SV2C: variants seen among roughly 807,000 people sequenced by gnomAD.
The protein encoded by SV2C is solute carrier family 22 member B3.
SV2C carries 49 observed loss-of-function variants against 79.7 expected under a neutral mutation model. That is an observed-to-expected ratio of 0.61 (90% CI 0.49 to 0.78). The LOEUF is 0.78. Ranked by LOEUF, SV2C falls within the 30% of genes least tolerant of loss-of-function variation. SV2C has a pLI of 0.00. For missense variants in SV2C, 833 were observed against 912.9 expected, an observed-to-expected ratio of 0.91 and a Z score of 1.13; for synonymous variants, 334 against 333.2, an observed-to-expected ratio of 1.00 and a Z score of -0.03.
chr5:76,082,530 T>TCTCTC (rs1429620773), upstream of SV2C: 2 of 151,126 alleles, frequency 1.3e-5, no homozygotes, highest in Admixed American at 6.6e-5. Context: ...CTCTCTCTCT[T>TCTCTC]CTCTCCTCTC....
At chr5:76,167,790 C>T (rs1561245649) in intron 2 of SV2C, among the ~76,000 whole-genome samples, 1 of 152,102 alleles carries the variant, frequency 6.6e-6, no homozygotes, top group Non-Finnish European at 1.5e-5. Context: ...CCCAGGAACC[C>T]GAATCCAAAT....
the SV2C span, among the ~76,000 whole-genome samples, chr5:76,004,032 T>C: frequency 6.6e-6 from 1 of 151,488 alleles, no homozygotes; most frequent in Non-Finnish European, 1.5e-5. Flanking sequence ...CTCTGATGAA[T>C]GGAGCACAGG....
At chr5:76,180,616 A>G (rs4704284) in intron 2 of SV2C, among the ~76,000 whole-genome samples, 105,199 of 152,144 alleles carry the variant, frequency 0.69, 37,507 homozygotes, top group East Asian at 0.97. Context: ...ACTTAGCTAC[A>G]TCCCTGGCCT....
intron 1 of SV2C, among the ~76,000 whole-genome samples, chr5:76,122,390 A>G (rs1748540885): frequency 6.6e-6 from 1 of 151,726 alleles, no homozygotes; most frequent in South Asian, 2.1e-4. Flanking sequence ...TGCCCTGGCC[A>G]GAACTTCCAA....
At chr5:76,299,285 C>A (rs185649457) in intron 10 of SV2C, among the ~76,000 whole-genome samples, 156 of 152,248 alleles carry the variant, frequency 1.0e-3, no homozygotes, top group Non-Finnish European at 1.8e-3. Flanking sequence ...CAGAGATAGA[C>A]AACATGTGGC....
At chr5:76,265,264 G>T (rs563499288) in intron 4 of SV2C, among the ~76,000 whole-genome samples, 1 of 152,150 alleles carries the variant, frequency 6.6e-6, no homozygotes, top group African/African-American at 2.4e-5. Flanking sequence ...GGGAAAAACC[G>T]CCTACTCAAG....
intron 4 of SV2C, chr5:76,280,922 G>A (rs1747168837): frequency 1.9e-6 from 1 of 525,256 alleles, no homozygotes; most frequent in Non-Finnish European, 3.8e-6. Context: ...TCCTGGTGCT[G>A]AGAGCGCGAC....
In SV2C at chr5:76,229,506, G is replaced by C. The variant is rs139594307; in HGVS notation, c.913+19619G>C. ...GGGTTAGTTACTAGGAGCCATGTCA[G>C]CTGACCCTCACTCCTTTAAGACTTT... On this transcript the variant is annotated intron_variant, in intron 4 of 12. Coordinates refer to ENST00000502798, the MANE Select transcript of SV2C (RefSeq NM_014979.4). Among the ~76,000 whole-genome samples, 300 of 152,330 alleles carry C rather than the reference G, an allele frequency of 2.0e-3. 1 individual carries two copies. The highest frequency in any genetic ancestry group is 6.8e-3 in the African/African-American group (282 of 41,578).
chr5:76,029,200 T>C, the SV2C span, among the ~76,000 whole-genome samples: 1 of 152,260 alleles, frequency 6.6e-6, no homozygotes, highest in South Asian at 2.1e-4. Flanking sequence ...AACTAACATA[T>C]GCACTACCTC....
intron 4 of SV2C, among the ~76,000 whole-genome samples, chr5:76,258,199 G>C (rs1277026925): frequency 6.6e-6 from 1 of 151,798 alleles, no homozygotes; most frequent in Non-Finnish European, 1.5e-5. Context: ...GACCACAAAG[G>C]TCAGAGCTTC....
intron 2 of SV2C, among the ~76,000 whole-genome samples, chr5:76,135,898 C>T (rs1483659809): frequency 6.6e-6 from 1 of 152,154 alleles, no homozygotes; most frequent in Non-Finnish European, 1.5e-5. Flanking sequence ...AGCCCTACCC[C>T]GACTCTAGTC....
At chr5:76,130,069 A>G (rs546576195) in intron 1 of SV2C, among the ~76,000 whole-genome samples, 1 of 136,706 alleles carries the variant, frequency 7.3e-6, no homozygotes, top group Admixed American at 8.1e-5. Flanking sequence ...CCTTCTCACC[A>G]CCTTTCCATT....
chr5:75,969,007 T>G, the SV2C span, among the ~76,000 whole-genome samples: 2 of 151,996 alleles, frequency 1.3e-5, no homozygotes, highest in African/African-American at 4.8e-5. Flanking sequence ...CAGAAGAGAG[T>G]GGGGGCCAAT....
chr5:75,882,327 A>G, the SV2C span, among the ~76,000 whole-genome samples: 1 of 150,312 alleles, frequency 6.7e-6, no homozygotes, highest in African/African-American at 2.5e-5. Context: ...CATACTGCCC[A>G]AGGTAATTTA....
chr5:75,915,142 A>G, the SV2C span, among the ~76,000 whole-genome samples: 1 of 152,172 alleles, frequency 6.6e-6, no homozygotes, highest in South Asian at 2.1e-4. Context: ...TCACAATTCA[A>G]AATAAGATTT....
chr5:76,199,064 T>C (rs1744353880), intron 3 of SV2C, among the ~76,000 whole-genome samples: 1 of 152,234 alleles, frequency 6.6e-6, no homozygotes, highest in South Asian at 2.1e-4. Flanking sequence ...CCTCTTGTTT[T>C]CAAAGGCATA....
At chr5:76,076,061 G>A in the SV2C span, 1 of 152,408 alleles carries the variant, frequency 6.6e-6, no homozygotes, top group Non-Finnish European at 1.5e-5. Flanking sequence ...GTTATATTTG[G>A]TTGTGCTATG....
chr5:76,119,028 G>T (rs1748385722), intron 1 of SV2C, among the ~76,000 whole-genome samples: 1 of 152,134 alleles, frequency 6.6e-6, no homozygotes, highest in Non-Finnish European at 1.5e-5. Context: ...TGCTCCTTTT[G>T]ACCTCAGGAA....
At chr5:75,986,118 C>T in the SV2C span, among the ~76,000 whole-genome samples, 8 of 148,750 alleles carry the variant, frequency 5.4e-5, no homozygotes, top group Non-Finnish European at 9.0e-5. Flanking sequence ...CTACCACAAC[C>T]GACTTCAGTA....
Sources: gnomAD v4.1 joint callset for allele counts (sites outside exome capture counted in the v4.1 genomes callset) on GRCh38, gnomAD v4.1.1 for gene constraint, MANE v1.5 for transcripts, NCBI Gene and HGNC (gene_info 2026-07-23, HGNC 2026-07-21) for gene names.